Variants in CALN1 observed in about 807,000 individuals in gnomAD.
CALN1 encodes calcium-binding protein 8.
A neutral mutation model predicts 30.6 loss-of-function variants in CALN1; 17 were observed. The observed-to-expected ratio is 0.56, with a 90% CI of 0.38 to 0.83. The LOEUF is 0.83. CALN1 is among the 40% of genes least tolerant of loss of function. The pLI is 0.00. For synonymous variants in CALN1, 156 were observed against 131.4 expected, an observed-to-expected ratio of 1.19 and a Z score of -1.28; for missense variants, 291 against 354.9, an observed-to-expected ratio of 0.82 and a Z score of 1.45.
chr7:72,451,064 C>T (rs925918426), upstream of CALN1, among the ~76,000 whole-genome samples: 18 of 150,856 alleles, frequency 1.2e-4, no homozygotes, highest in Non-Finnish European at 2.2e-4. Context: ...TTCCTCAGAA[C>T]AGAACTTAGA....
chr7:72,203,979 CTTTTT>C (rs869149598), intron 3 of CALN1, among the ~76,000 whole-genome samples: 5 of 83,806 alleles, frequency 6.0e-5, no homozygotes, highest in African/African-American at 1.6e-4. Flanking sequence ...AGGCCTCTCT[CTTTTT>C]TTTTTTTTTT....
intron 2 of CALN1, among the ~76,000 whole-genome samples, chr7:72,352,576 T>G (rs1190348000): frequency 6.6e-6 from 1 of 152,110 alleles, no homozygotes; most frequent in African/African-American, 2.4e-5. Context: ...CAAAGGAAGT[T>G]TAAAAATATT....
At chr7:72,002,893 T>C (rs1417265489) in intron 5 of CALN1, among the ~76,000 whole-genome samples, 1 of 152,136 alleles carries the variant, frequency 6.6e-6, no homozygotes, top group Non-Finnish European at 1.5e-5. Flanking sequence ...TATCAGGGAC[T>C]GAGGAGTTGT....
chr7:72,234,451 T>TTTGTG (rs1261236317), intron 3 of CALN1, among the ~76,000 whole-genome samples: 1 of 152,038 alleles, frequency 6.6e-6, no homozygotes, highest in Non-Finnish European at 1.5e-5. Context: ...TTTGTTTTGT[T>TTTGTG]TTTTTGTTTT....
At chr7:72,067,901 G>A (rs774312847) in intron 4 of CALN1, among the ~76,000 whole-genome samples, 22 of 152,130 alleles carry the variant, frequency 1.4e-4, no homozygotes, top group Non-Finnish European at 2.9e-4. Context: ...GATTCTACAC[G>A]GCCTTGCAAC....
At chr7:72,026,215 G>T (rs1281470572) in intron 4 of CALN1, among the ~76,000 whole-genome samples, 1 of 152,110 alleles carries the variant, frequency 6.6e-6, no homozygotes, top group Non-Finnish European at 1.5e-5. Flanking sequence ...TGGTGTACTT[G>T]TCCCAGATAT....
intron 3 of CALN1, among the ~76,000 whole-genome samples, chr7:72,109,028 GCTT>G (rs1214568132): frequency 6.6e-6 from 1 of 152,094 alleles, no homozygotes; most frequent in African/African-American, 2.4e-5. Context: ...ACTACCATTG[GCTT>G]CTTTTCTGAG....
upstream of CALN1, among the ~76,000 whole-genome samples, chr7:72,448,714 T>G (rs1808596252): frequency 6.6e-6 from 1 of 152,060 alleles, no homozygotes; most frequent in African/African-American, 2.4e-5. Flanking sequence ...CAAGCAGTTC[T>G]CCTGCCTCGG....
intron 2 of CALN1, among the ~76,000 whole-genome samples, chr7:72,325,009 T>G (rs903838001): frequency 1.2e-4 from 18 of 152,218 alleles, no homozygotes; most frequent in Non-Finnish European, 1.5e-5. Flanking sequence ...CAGCGTTTAC[T>G]TAAAGATTGC....
At chr7:72,032,814 C>T (rs755558040) in intron 4 of CALN1, among the ~76,000 whole-genome samples, 3 of 152,156 alleles carry the variant, frequency 2.0e-5, no homozygotes, top group Non-Finnish European at 4.4e-5. Flanking sequence ...ACCCTGCACA[C>T]GTCTGAAGTC....
intron 3 of CALN1, among the ~76,000 whole-genome samples, chr7:72,121,629 G>A (rs1808399362): frequency 6.7e-6 from 1 of 148,686 alleles, no homozygotes; most frequent in Non-Finnish European, 1.5e-5. Flanking sequence ...TAGTTGGCTT[G>A]CTCTTGTGAT....
chr7:72,396,912 G>C (rs187490863), intron 2 of CALN1, among the ~76,000 whole-genome samples: 1 of 152,102 alleles, frequency 6.6e-6, no homozygotes, highest in Non-Finnish European at 1.5e-5. Flanking sequence ...AGTAGTAAAA[G>C]TAGTAGTAGA....
chr7:71,803,927 T>C (rs1346252320), intron 6 of CALN1, among the ~76,000 whole-genome samples: 1 of 122,224 alleles, frequency 8.2e-6, no homozygotes, highest in Non-Finnish European at 1.7e-5. Context: ...CTGGAGGGGC[T>C]GTGTATTTGT....
intron 5 of CALN1, among the ~76,000 whole-genome samples, chr7:71,817,780 C>T (rs929527933): frequency 1.3e-5 from 2 of 152,266 alleles, no homozygotes; most frequent in African/African-American, 4.8e-5. Flanking sequence ...TCCCAAAGAG[C>T]TGGGATTACA....
chr7:72,194,400 C>T (rs1056498736), intron 3 of CALN1, among the ~76,000 whole-genome samples: 30 of 151,988 alleles, frequency 2.0e-4, no homozygotes, highest in Admixed American at 2.0e-3. Context: ...TGTGGTGGTA[C>T]ATGCGTGTAA....
intron 2 of CALN1, among the ~76,000 whole-genome samples, chr7:72,369,359 T>TTATTGTTGTTG (rs1554390884): frequency 6.8e-6 from 1 of 146,714 alleles, no homozygotes; most frequent in Non-Finnish European, 1.5e-5. Context: ...TATTTATTTT[T>TTATTGTTGTTG]TTGTTGTTGT....
In CALN1 at chr7:72,105,119, C is replaced by A. The variant is rs1806991416; in HGVS notation, c.388+1032G>T. On this transcript the variant is annotated intron_variant, in intron 4 of 6. Coordinates refer to ENST00000395275, the MANE Select transcript of CALN1 (RefSeq NM_031468.4). ...GAGGATAGTGGCTTCCAACTAAAATCCATTGTGGCGCTGGTTTTACAAATC... is the reference window on the plus strand; with the variant it reads ...GAGGATAGTGGCTTCCAACTAAAATACATTGTGGCGCTGGTTTTACAAATC... 2.6e-5 allele frequency among the ~76,000 whole-genome samples: 4 copies of A among 152,052 alleles called. No individual in the cohort carries two copies. In the South Asian group the frequency reaches 8.3e-4, roughly 32 times the overall value.
intron 3 of CALN1, among the ~76,000 whole-genome samples, chr7:72,172,218 C>T (rs1205701310): frequency 1.3e-5 from 2 of 152,186 alleles, no homozygotes; most frequent in African/African-American, 2.4e-5. Context: ...ACTCCCTGTC[C>T]ACCTCTTAGT....
chr7:72,338,478 T>TGTGTGTGTGTGTGTGTGTGTGC (rs1802211205), intron 2 of CALN1, among the ~76,000 whole-genome samples: 1 of 111,514 alleles, frequency 9.0e-6, no homozygotes. Context: ...ACAGTGTGTG[T>TGTGTGTGTGTGTGTGTGTGTGC]GTGTGTGTGT....
Sources: gnomAD v4.1 joint callset for allele counts (sites outside exome capture counted in the v4.1 genomes callset) on GRCh38, gnomAD v4.1.1 for gene constraint, MANE v1.5 for transcripts, NCBI Gene and HGNC (gene_info 2026-07-23, HGNC 2026-07-21) for gene names.